The following MYRIP variants were observed in gnomAD, a reference collection of about 807,000 sequenced individuals.
MYRIP encodes rab effector MyRIP.
Under a neutral mutation model 98.0 loss-of-function variants are expected in MYRIP, and 49 were observed. The observed-to-expected ratio is 0.50, with a 90% CI of 0.40 to 0.63. The LOEUF is 0.63. MYRIP is among the 30% of genes least tolerant of loss of function. The pLI, the probability that MYRIP is intolerant of heterozygous loss-of-function variation, is 0.00. For missense variants in MYRIP, 1,004 were observed against 1,058.2 expected, an observed-to-expected ratio of 0.95 and a Z score of 0.71; for synonymous variants, 404 against 409.5, an observed-to-expected ratio of 0.99 and a Z score of 0.16.
chr3:39,871,540 G>T (rs998578997), intron 1 of MYRIP, among the ~76,000 whole-genome samples: 4 of 152,122 alleles, frequency 2.6e-5, no homozygotes, highest in African/African-American at 9.7e-5. Context: ...CCCAGTGACA[G>T]TGGTCAACTT....
chr3:40,152,415 A>C (rs1254901892), intron 4 of MYRIP, among the ~76,000 whole-genome samples: 1 of 152,206 alleles, frequency 6.6e-6, no homozygotes, highest in Admixed American at 6.5e-5. Context: ...ACATTGAGGA[A>C]TAAAGAAAAC....
chr3:40,069,306 A>G (rs1329531509), intron 3 of MYRIP, among the ~76,000 whole-genome samples: 1 of 151,974 alleles, frequency 6.6e-6, no homozygotes, highest in Non-Finnish European at 1.5e-5. Flanking sequence ...ATGACTCTTC[A>G]GGTACTTTTC....
At chr3:40,020,446 A>G (rs1254448891) in intron 2 of MYRIP, among the ~76,000 whole-genome samples, 1 of 152,194 alleles carries the variant, frequency 6.6e-6, no homozygotes, top group East Asian at 1.9e-4. Flanking sequence ...CTTTGGTCCA[A>G]CGCCCTGGCT....
rs546186047 is a variant in MYRIP, at chr3:39,944,616, G to A, written c.110+43690G>A. 1.3e-4 allele frequency among the ~76,000 whole-genome samples: 20 copies of A among 152,084 alleles called. 1 individual carries two copies. In the South Asian group the frequency reaches 4.2e-3, roughly 32 times the overall value. On this transcript the variant is annotated intron_variant, in intron 2 of 16. Transcript: ENST00000302541. The stretch of plus-strand genomic sequence containing the variant: ...GTAGCTAGAGGACAGAATTTAAGAG[G>A]AAAACTTTTTATTGTAAAACTTTTA...
chr3:40,142,089 G>A (rs966548985), intron 3 of MYRIP, among the ~76,000 whole-genome samples: 3 of 94,422 alleles, frequency 3.2e-5, no homozygotes, highest in African/African-American at 1.3e-4. Flanking sequence ...TCTTGCTCTT[G>A]TCCCCCAGGC....
chr3:40,009,403 A>T (rs966440379), intron 2 of MYRIP, among the ~76,000 whole-genome samples: 5 of 151,754 alleles, frequency 3.3e-5, no homozygotes, highest in Admixed American at 2.6e-4. Flanking sequence ...CACCTGGCTA[A>T]TTTTTTGTAT....
At chr3:40,190,593 T>TA in intron 10 of MYRIP, 130 bp downstream of exon 10, 2 of 1,428,304 alleles carry the variant, frequency 1.4e-6, no homozygotes, top group Non-Finnish European at 1.9e-6. Flanking sequence ...GTTTTGCAGC[T>TA]AAGTAGCTGA....
intron 2 of MYRIP, among the ~76,000 whole-genome samples, chr3:39,904,564 T>G (rs1943830244): frequency 6.6e-6 from 1 of 152,030 alleles, no homozygotes; most frequent in African/African-American, 2.4e-5. Flanking sequence ...CAAAAGCATG[T>G]ATTTAGAATG....
intron 11 of MYRIP, among the ~76,000 whole-genome samples, chr3:40,223,400 G>C (rs932900218): frequency 2.0e-5 from 3 of 152,170 alleles, no homozygotes; most frequent in African/African-American, 7.2e-5. Context: ...GAATAGTCCA[G>C]AAGAACAGCC....
At chr3:40,053,387 T>G (rs1477752918) in intron 3 of MYRIP, among the ~76,000 whole-genome samples, 3 of 152,210 alleles carry the variant, frequency 2.0e-5, no homozygotes, top group Non-Finnish European at 4.4e-5. Flanking sequence ...TAAGTGACCA[T>G]GAGGTGGATA....
intron 2 of MYRIP, among the ~76,000 whole-genome samples, chr3:39,996,204 G>C (rs926260803): frequency 6.6e-6 from 1 of 152,106 alleles, no homozygotes; most frequent in African/African-American, 2.4e-5. Context: ...AATGTAAATG[G>C]ACTAAATCCT....
chr3:40,212,231 C>T lies in MYRIP; in HGVS notation c.1905+2138C>T, dbSNP rs1344676928. On this transcript the variant is annotated intron_variant, in intron 11 of 16. Coordinates refer to ENST00000302541, the MANE Select transcript of MYRIP (RefSeq NM_015460.4). ...GTGTGTGTATATATATATATACACA[C>T]ACACACACACACACATATATATATA... Among the ~76,000 whole-genome samples, 26 of 33,932 alleles carry T rather than the reference C, an allele frequency of 7.7e-4. 5 individuals are homozygous for T. Among genetic ancestry groups the T allele is most frequent in the African/African-American group, 9.9e-4 (14 of 14,110 alleles). 22.3% of individuals were successfully genotyped at this position (33,932 alleles called of 152,430 possible). A position where few individuals can be genotyped will look rare whatever the true frequency, so the allele number is the denominator to read the frequency against.
At chr3:39,834,961 G>A (rs545012757) in intron 1 of MYRIP, among the ~76,000 whole-genome samples, 1 of 152,118 alleles carries the variant, frequency 6.6e-6, no homozygotes, top group East Asian at 1.9e-4. Flanking sequence ...AAAAGGACAG[G>A]AGACAACTAG....
At chr3:40,157,693 G>A (rs1950276673) in intron 4 of MYRIP, among the ~76,000 whole-genome samples, 1 of 150,728 alleles carries the variant, frequency 6.6e-6, no homozygotes, top group Non-Finnish European at 1.5e-5. Context: ...GGTCTATTCA[G>A]AGATTCAACT....
At chr3:39,875,468 G>A (rs567820047) in intron 1 of MYRIP, among the ~76,000 whole-genome samples, 1 of 151,640 alleles carries the variant, frequency 6.6e-6, no homozygotes, top group African/African-American at 2.4e-5. Flanking sequence ...GCTTTCTCTT[G>A]TGGGCATTTA....
chr3:40,143,555 G>T (rs1949952688), intron 3 of MYRIP, among the ~76,000 whole-genome samples: 1 of 152,168 alleles, frequency 6.6e-6, no homozygotes, highest in Non-Finnish European at 1.5e-5. Context: ...GAAGCCCCAA[G>T]GAAGAGCTTC....
chr3:40,221,573 G>C (rs1952338161), intron 11 of MYRIP, among the ~76,000 whole-genome samples: 1 of 152,220 alleles, frequency 6.6e-6, no homozygotes, highest in South Asian at 2.1e-4. Flanking sequence ...GGAGGTTGCA[G>C]TGAGCTGATA....
intron 7 of MYRIP, 50 bp downstream of exon 7, chr3:40,167,289 G>T (rs1484050453): frequency 6.5e-7 from 1 of 1,535,692 alleles, no homozygotes; most frequent in Admixed American, 1.7e-5. Flanking sequence ...GCTGGGCCTG[G>T]TGCAGGGACT....
chr3:40,035,570 A>T (rs560136498), intron 2 of MYRIP, among the ~76,000 whole-genome samples: 26 of 152,164 alleles, frequency 1.7e-4, no homozygotes, highest in African/African-American at 6.0e-4. Context: ...TATAAGAATC[A>T]GGAAGGGGGC....
Sources: gnomAD v4.1 joint callset for allele counts (sites outside exome capture counted in the v4.1 genomes callset) on GRCh38, gnomAD v4.1.1 for gene constraint, MANE v1.5 for transcripts, NCBI Gene and HGNC (gene_info 2026-07-23, HGNC 2026-07-21) for gene names.